SGSM1: variants seen among roughly 807,000 people sequenced by gnomAD.
SGSM1 encodes small G protein signaling modulator 1, also known as RUN and TBC1 domain containing 2.
In SGSM1, 73 loss-of-function variants were observed where a neutral mutation model predicts 133.8. The observed-to-expected ratio is 0.55, with a 90% CI of 0.45 to 0.66. The LOEUF is 0.66. Among genes scored for constraint, SGSM1 ranks in the 30% least tolerant of loss-of-function variants. The probability of loss-of-function intolerance (pLI) is 0.00; values close to 1 mark genes in which losing one functional copy is unlikely to be tolerated. For synonymous variants in SGSM1, 563 were observed against 573.0 expected (o/e 0.98, Z 0.25); for missense variants, 1,213 against 1,448.1 (o/e 0.84, Z 2.64).
At chr22:24,922,186 T>C (rs1243719023) in intron 24 of SGSM1, among the ~76,000 whole-genome samples, 3 of 144,350 alleles carry the variant, frequency 2.1e-5, no homozygotes, top group East Asian at 2.0e-4. Flanking sequence ...TTTCTTTTTT[T>C]TTTTTTTTTT....
At chr22:24,892,994 G>A (rs913280776) in intron 16 of SGSM1, among the ~76,000 whole-genome samples, 35 of 151,480 alleles carry the variant, frequency 2.3e-4, no homozygotes, top group African/African-American at 8.3e-4. Context: ...CCGGGAGGCT[G>A]CAGTGAGTCA....
chr22:24,807,676 C>T (rs546674221), intron 2 of SGSM1, among the ~76,000 whole-genome samples: 1 of 152,274 alleles, frequency 6.6e-6, no homozygotes, highest in African/African-American at 2.4e-5. Context: ...ACATCGTGGG[C>T]TGGCCTGGTT....
chr22:24,811,009 C>T (rs1927702073), intron 2 of SGSM1, among the ~76,000 whole-genome samples: 1 of 152,178 alleles, frequency 6.6e-6, no homozygotes, highest in Non-Finnish European at 1.5e-5. Flanking sequence ...CAGATAACAT[C>T]CAGGTCGCCC....
chr22:24,847,379 A>G (rs1930206310), intron 3 of SGSM1, among the ~76,000 whole-genome samples: 1 of 152,172 alleles, frequency 6.6e-6, no homozygotes, highest in African/African-American at 2.4e-5. Context: ...CACAAGAATT[A>G]GGAAAGGTAA....
chr22:24,812,100 G>T (rs973249485), intron 2 of SGSM1, among the ~76,000 whole-genome samples: 3 of 151,536 alleles, frequency 2.0e-5, no homozygotes, highest in African/African-American at 7.3e-5. Context: ...AACCCGGGAG[G>T]TGGAGGTGGC....
At chr22:24,813,786 C>T (rs2295102) in intron 2 of SGSM1, 103,201 of 152,052 alleles carry the variant, frequency 0.68, 35,290 homozygotes, top group East Asian at 0.92. Flanking sequence ...CCTGGCTTGC[C>T]TGGCTGTGTC....
chr22:24,869,273 GA>G (rs1569156135), intron 12 of SGSM1, among the ~76,000 whole-genome samples: 1 of 152,194 alleles, frequency 6.6e-6, no homozygotes, highest in Non-Finnish European at 1.5e-5. Context: ...TTGAGAGGCC[GA>G]AATTTGGGAG....
At chr22:24,909,184 C>T (rs1016854045) in intron 21 of SGSM1, among the ~76,000 whole-genome samples, 1 of 152,108 alleles carries the variant, frequency 6.6e-6, no homozygotes, top group African/African-American at 2.4e-5. Flanking sequence ...AGAAACCATC[C>T]CCCCGACTCC....
intron 3 of SGSM1, among the ~76,000 whole-genome samples, chr22:24,845,930 C>CTT (rs1358794816): frequency 1.8e-3 from 259 of 146,246 alleles, no homozygotes; most frequent in African/African-American, 5.7e-3. Context: ...CAAGATCTTT[C>CTT]TTTTCTTTTC....
chr22:24,912,305 T>C (rs139763), intron 21 of SGSM1, among the ~76,000 whole-genome samples: 43,002 of 152,106 alleles, frequency 0.28, 7,012 homozygotes, highest in East Asian at 0.55. Context: ...CAGATATTAA[T>C]AGAGGAAACC....
At chr22:24,879,331 G>T (rs966100529) in intron 13 of SGSM1, 131 bp from the exon 14 acceptor site, 2 of 766,502 alleles carry the variant, frequency 2.6e-6, no homozygotes, top group Non-Finnish European at 4.3e-6. Context: ...GGTAATAGCA[G>T]CCCTCCCTAC....
At chr22:24,898,645 C>A in intron 19 of SGSM1, 86 bp downstream of exon 19, 1 of 1,333,478 alleles carries the variant, frequency 7.5e-7, no homozygotes, top group Non-Finnish European at 1.0e-6. Flanking sequence ...TCCAGAATGA[C>A]CCCGGAGTCA....
chr22:24,813,892 C>T (rs147953345), intron 2 of SGSM1: 1 of 152,410 alleles, frequency 6.6e-6, no homozygotes, highest in African/African-American at 2.4e-5. Flanking sequence ...TAGGAAAGGG[C>T]ATTTTGGTCA....
In SGSM1 at chr22:24,896,165, A is replaced by G. The variant is rs139856655; in HGVS notation, c.2022+874A>G. On this transcript the variant is annotated intron_variant, in intron 18 of 24. Coordinates refer to ENST00000400358, the MANE Select transcript of SGSM1 (RefSeq NM_001098497.3). ...ATTTGCCTCCATTTTTGAGAATGGT[A>G]TGAGGAGCAACCAGAAACGAATCAG... 6.4e-3 allele frequency among the ~76,000 whole-genome samples: 978 copies of G among 152,274 alleles called. 10 individuals are homozygous for G. Among genetic ancestry groups the G allele is most frequent in the African/African-American group, 0.022 (920 of 41,558 alleles).
chr22:24,891,696 G>T (rs1265764133), intron 16 of SGSM1, among the ~76,000 whole-genome samples: 1 of 152,140 alleles, frequency 6.6e-6, no homozygotes, highest in Non-Finnish European at 1.5e-5. Context: ...GGGGGTTGTG[G>T]TGGTCACTGG....
intron 5 of SGSM1, 92 bp downstream of exon 5, chr22:24,850,524 T>C: frequency 6.6e-7 from 1 of 1,517,866 alleles, no homozygotes; most frequent in East Asian, 2.3e-5. Flanking sequence ...GCTGCTTTCT[T>C]TTTCCCCTTG....
At chr22:24,847,332 G>T (rs1466408135) in intron 3 of SGSM1, among the ~76,000 whole-genome samples, 1 of 152,164 alleles carries the variant, frequency 6.6e-6, no homozygotes, top group Non-Finnish European at 1.5e-5. Flanking sequence ...TGAGAGCACT[G>T]GTTTGCTCTT....
At chr22:24,828,876 A>G (rs139627) in intron 2 of SGSM1, among the ~76,000 whole-genome samples, 71,559 of 152,024 alleles carry the variant, frequency 0.47, 17,492 homozygotes, top group Admixed American at 0.59. Context: ...CGTATGCACC[A>G]TAGAATATTA....
At chr22:24,846,396 A>G (rs1930151667) in intron 3 of SGSM1, among the ~76,000 whole-genome samples, 1 of 152,044 alleles carries the variant, frequency 6.6e-6, no homozygotes, top group Non-Finnish European at 1.5e-5. Context: ...ACATATATGT[A>G]TGTGTATATA....
Sources: allele counts gnomAD v4.1 joint callset (sites outside exome capture counted in the v4.1 genomes callset), GRCh38; gene constraint gnomAD v4.1.1; transcripts MANE v1.5; gene names NCBI Gene and HGNC (gene_info 2026-07-23, HGNC 2026-07-21).